Variants in TNRC6A observed in about 807,000 individuals in gnomAD.
The protein encoded by TNRC6A is trinucleotide repeat-containing gene 6A protein.
Under a neutral mutation model 221.2 loss-of-function variants are expected in TNRC6A, and 44 were observed. The ratio of observed to expected loss-of-function variants is 0.20; its 90% CI spans 0.16 to 0.26. TNRC6A has a LOEUF of 0.26. TNRC6A is among the 10% of genes least tolerant of loss of function. The pLI is 1.00. For synonymous variants in TNRC6A, 847 were observed against 838.5 expected, an observed-to-expected ratio of 1.01 and a Z score of -0.18; for missense variants, 2,199 against 2,404.4, an observed-to-expected ratio of 0.91 and a Z score of 1.79.
intron 2 of TNRC6A, among the ~76,000 whole-genome samples, chr16:24,691,704 G>A (rs1215961975): frequency 6.6e-6 from 1 of 151,390 alleles, no homozygotes; most frequent in East Asian, 2.0e-4. Context: ...GGAGGCAGAA[G>A]TTGCAGTGAG....
chr16:24,716,657 C>A (rs945148346), intron 2 of TNRC6A, among the ~76,000 whole-genome samples: 1 of 151,742 alleles, frequency 6.6e-6, no homozygotes, highest in Non-Finnish European at 1.5e-5. Flanking sequence ...AAAGTGAGAC[C>A]GTCTCTCAAA....
intron 18 of TNRC6A, among the ~76,000 whole-genome samples, chr16:24,812,968 C>T (rs777185427): frequency 6.8e-6 from 1 of 147,716 alleles, no homozygotes; most frequent in African/African-American, 2.5e-5. Context: ...CTTGACCTCC[C>T]AGACTCAGAT....
rs369720718 is a variant in TNRC6A, at chr16:24,749,946, C to G, written c.54-780C>G. On this transcript the variant is annotated intron_variant, in intron 2 of 24. Transcript: ENST00000395799. Reference sequence around the variant, plus strand: ...CTTGAGGTCAGGAGTTTGAGACCAGCCTGGCCAACTTGGTGAAACCCCGTC... The same window carrying G: ...CTTGAGGTCAGGAGTTTGAGACCAGGCTGGCCAACTTGGTGAAACCCCGTC... Among the ~76,000 whole-genome samples the G allele has an allele frequency of 2.3e-3, 352 of 152,234 alleles. 1 individual carries two copies. The highest frequency in any genetic ancestry group is 8.1e-3 in the African/African-American group (336 of 41,550).
chr16:24,745,765 C>A (rs1274055255), intron 2 of TNRC6A, among the ~76,000 whole-genome samples: 1 of 151,204 alleles, frequency 6.6e-6, no homozygotes, highest in African/African-American at 2.4e-5. Context: ...CCTCAGCCTC[C>A]CATGTAGCTG....
chr16:24,770,313 CA>C (rs898155501), intron 4 of TNRC6A, among the ~76,000 whole-genome samples: 5 of 152,022 alleles, frequency 3.3e-5, no homozygotes, highest in Non-Finnish European at 7.4e-5. Context: ...AAAGGAGTTC[CA>C]AAAGTGGTTT....
Position 24,809,258 on chromosome 16 carries a change from G to T in TNRC6A, c.4541-92G>T, listed in dbSNP as rs1205152913. 5 of 1,167,888 alleles carry T rather than the reference G, an allele frequency of 4.3e-6. No homozygotes were observed. The African/African-American group carries it at 6.2e-5, about 14-fold the overall frequency. The allele number at this position is 1,167,888 out of a possible 1,614,324, so 72.3% of individuals were successfully genotyped here. A position where few individuals can be genotyped will look rare whatever the true frequency, so the allele number is the denominator to read the frequency against. ...ACAGTTATGTGGTTTGAAAACATTAGTTACATGTTTTTCTAGGAAATAGAA... is the reference window on the plus strand; with the variant it reads ...ACAGTTATGTGGTTTGAAAACATTATTTACATGTTTTTCTAGGAAATAGAA... On this transcript the variant is annotated intron_variant, in intron 17 of 24. Coordinates refer to ENST00000395799, the MANE Select transcript of TNRC6A (RefSeq NM_014494.4).
intron 4 of TNRC6A, among the ~76,000 whole-genome samples, chr16:24,773,474 T>G (rs190039366): frequency 6.6e-6 from 1 of 152,370 alleles, no homozygotes; most frequent in East Asian, 1.9e-4. Context: ...ACTGTATTAT[T>G]TCTAGCCTTT....
intron 2 of TNRC6A, among the ~76,000 whole-genome samples, chr16:24,747,343 TAAGTC>T (rs1049356063): frequency 2.0e-5 from 3 of 152,158 alleles, no homozygotes; most frequent in Non-Finnish European, 4.4e-5. Context: ...ATGCAGGACA[TAAGTC>T]AAGTTCTGAT....
At chr16:24,700,882 G>A (rs564173109) in intron 2 of TNRC6A, among the ~76,000 whole-genome samples, 1 of 152,262 alleles carries the variant, frequency 6.6e-6, no homozygotes, top group South Asian at 2.1e-4. Context: ...TTCCGCCATG[G>A]CTACCACGTG....
chr16:24,633,582 T>G (rs1901461824), intron 1 of TNRC6A, among the ~76,000 whole-genome samples: 1 of 151,690 alleles, frequency 6.6e-6, no homozygotes, highest in African/African-American at 2.4e-5. Context: ...GTTAGTAGAG[T>G]TGGGGTTTCA....
chr16:24,666,668 A>AT (rs56743214), intron 2 of TNRC6A, among the ~76,000 whole-genome samples: 69 of 65,034 alleles, frequency 1.1e-3, no homozygotes, highest in East Asian at 1.6e-3. Context: ...AAAAAAAAAA[A>AT]ATATATATAT....
At chr16:24,764,772 C>CA (rs1234749025) in intron 4 of TNRC6A, among the ~76,000 whole-genome samples, 3 of 152,172 alleles carry the variant, frequency 2.0e-5, no homozygotes, top group Non-Finnish European at 4.4e-5. Flanking sequence ...CCTGTATCCA[C>CA]AGAGAATCTG....
At position 24,777,206 on chromosome 16, in the gene TNRC6A, A is replaced by C; in HGVS notation, c.437A>C (p.Lys146Thr). 6.2e-7 allele frequency: 1 copy of C among 1,614,186 alleles called. No individual in the cohort carries two copies. The highest frequency in any genetic ancestry group is 1.1e-5 in the South Asian group (1 of 91,074). The change falls in exon 5 of 25, where the codon AAA becomes ACA. Residue 146 changes from lysine to threonine, a missense_variant. Transcript: ENST00000395799. ...CCACGATTTCGCCACCAGGAACACAAACAGCTTCTAAAGAGGGGTCAGCAT... is the reference window on the plus strand; with the variant it reads ...CCACGATTTCGCCACCAGGAACACACACAGCTTCTAAAGAGGGGTCAGCAT... ...VPPRFRHQEHKQLLKRGQHFP... is the reference protein window; with the variant it reads ...VPPRFRHQEHTQLLKRGQHFP...
chr16:24,823,104 G>A lies in TNRC6A; in HGVS notation c.5513+91G>A, dbSNP rs963452758. On this transcript the variant is annotated intron_variant, in intron 24 of 24. Coordinates refer to ENST00000395799, the MANE Select transcript of TNRC6A (RefSeq NM_014494.4). This position sits in a 1 kb window ranked among gnomAD's most constrained non-coding sequence, Gnocchi z 4.3. ...CCCGGGGCAGTGCACAGGGTCCTGC[G>A]TGGGTGGCTCCTGCTGGCTGCAGTA... 1.3e-5 allele frequency: 20 copies of A among 1,543,630 alleles called. No homozygotes were observed. The highest frequency in any genetic ancestry group is 3.5e-4 in the Middle Eastern group (2 of 5,754).
In TNRC6A at chr16:24,790,538, C is replaced by T. The variant is rs1438580866; in HGVS notation, c.1896C>T (p.Gly632=). 6.2e-7 allele frequency: 1 copy of T among 1,614,044 alleles called. No homozygotes were observed. The highest frequency in any genetic ancestry group is 1.7e-5 in the Admixed American group (1 of 59,996). The part of the protein sequence containing the change: ...SNQHSNDSAN[G]NGKTFTNGWK... The stretch of plus-strand genomic sequence containing the variant: ...AGCATTCCAATGATAGTGCAAATGG[C>T]AATGGTAAGACGTTTACAAATGGAT... The change falls in exon 6 of 25, where the codon GGC becomes GGT. Residue 632 remains glycine (G), a synonymous_variant. Transcript: ENST00000395799.
upstream of TNRC6A, among the ~76,000 whole-genome samples, chr16:24,727,319 G>A (rs192777612): frequency 3.7e-4 from 57 of 152,218 alleles, no homozygotes; most frequent in Admixed American, 3.1e-3. Flanking sequence ...ATGAGCCACC[G>A]CGCCTGGCCA....
chr16:24,710,290 T>A (rs2056180491), intron 2 of TNRC6A, among the ~76,000 whole-genome samples: 1 of 151,724 alleles, frequency 6.6e-6, no homozygotes, highest in Non-Finnish European at 1.5e-5. Context: ...AAAAATAACT[T>A]TTTTCCTCAA....
Position 24,737,485 on chromosome 16 carries a change from C to T in TNRC6A, c.53+7185C>T, listed in dbSNP as rs2056795963. Reference sequence around the variant, plus strand: ...TATGAAGGAGAAATCCTAGCATTTCCACTCTTGTAACTAGGGAAAAGCATT... The same window carrying T: ...TATGAAGGAGAAATCCTAGCATTTCTACTCTTGTAACTAGGGAAAAGCATT... On this transcript the variant is annotated intron_variant, in intron 2 of 24. Transcript: ENST00000395799. 2.6e-5 allele frequency among the ~76,000 whole-genome samples: 4 copies of T among 152,298 alleles called. 1 individual carries two copies. In the South Asian group the frequency reaches 8.3e-4, roughly 32 times the overall value.
upstream of TNRC6A, chr16:24,729,588 G>A (rs1178566047): frequency 2.5e-6 from 1 of 399,678 alleles, no homozygotes; most frequent in Non-Finnish European, 4.4e-6. Context: ...CAGTTGCTAG[G>A]GCCTCCATCT....
Sources: allele counts gnomAD v4.1 joint callset (sites outside exome capture counted in the v4.1 genomes callset), GRCh38; gene constraint gnomAD v4.1.1; non-coding constraint Gnocchi (gnomAD v3.1); transcripts MANE v1.5; gene names NCBI Gene and HGNC (gene_info 2026-07-23, HGNC 2026-07-21).